Variants in CD70 observed in about 807,000 individuals in gnomAD.
CD70 encodes the protein CD70 antigen.
Under a neutral mutation model 9.0 loss-of-function variants are expected in CD70, and 6 were observed. That is an observed-to-expected ratio of 0.67 (90% CI 0.37 to 1.32). The LOEUF (loss-of-function observed/expected upper bound fraction) is 1.32. CD70 is among the 40% of genes most tolerant of loss of function. The probability of loss-of-function intolerance (pLI) is 0.02; values close to 1 mark genes in which losing one functional copy is unlikely to be tolerated. For missense variants in CD70, 235 were observed against 258.7 expected (o/e 0.91, Z 0.63); for synonymous variants, 108 against 112.3 (o/e 0.96, Z 0.24).
chr19:6,584,805 G>A (rs1599449657), downstream of CD70, among the ~76,000 whole-genome samples: 1 of 151,924 alleles, frequency 6.6e-6, no homozygotes, highest in African/African-American at 2.4e-5. Flanking sequence ...GTTTGAGGCC[G>A]CAGTGAGACA....
In CD70 at chr19:6,586,104, T is replaced by A. The variant is rs1916008732; in HGVS notation, c.498A>T (p.Thr166=). Residue 166 remains threonine (T), a synonymous_variant, in exon 3 of 3, where the codon ACA becomes ACT. Transcript: ENST00000245903. ...QRLTPLARGD[T]LCTNLTGTLL... ...GTGTCCCAGTGAGGTTGGTGCAGAG[T>A]GTGTCCCCTCGGGCCAGGGGCGTCA... 1 of 1,613,814 alleles carries A rather than the reference T, an allele frequency of 6.2e-7. No individual in the cohort carries two copies. Among genetic ancestry groups the A allele is most frequent in the South Asian group, 1.1e-5 (1 of 91,066 alleles).
downstream of CD70, among the ~76,000 whole-genome samples, chr19:6,584,035 C>T (rs150447916): frequency 4.7e-5 from 7 of 150,504 alleles, no homozygotes; most frequent in East Asian, 8.0e-4. Context: ...TCAGGCGATC[C>T]GCCCACCTCG....
chr19:6,588,243 A>G (rs1916072707), intron 2 of CD70, among the ~76,000 whole-genome samples: 1 of 152,206 alleles, frequency 6.6e-6, no homozygotes, highest in Non-Finnish European at 1.5e-5. Flanking sequence ...GATATCATCC[A>G]CCAGAAGAAA....
In CD70 at chr19:6,591,118, T is replaced by A; in HGVS notation, c.-116A>T. On this transcript the variant is annotated 5_prime_UTR_variant, in exon 1 of 3. Coordinates refer to ENST00000245903, the MANE Select transcript of CD70 (RefSeq NM_001252.5). ...CGGGGCTCCTGGGCGTCTACTTGCT[T>A]CAACCTGTCAGGGGACCAGCCTGCC... 1 of 1,163,576 alleles carries A rather than the reference T, an allele frequency of 8.6e-7. No homozygotes were observed. Among genetic ancestry groups the A allele is most frequent in the Non-Finnish European group, 1.2e-6 (1 of 855,728 alleles). 72.1% of individuals were successfully genotyped at this position (1,163,576 alleles called of 1,614,324 possible).
chr19:6,584,900 G>A (rs1040643780), downstream of CD70, among the ~76,000 whole-genome samples: 26 of 151,982 alleles, frequency 1.7e-4, no homozygotes, highest in African/African-American at 6.3e-4. Context: ...TGTTGGCCAG[G>A]CTTGTCTTGA....
intron 2 of CD70, among the ~76,000 whole-genome samples, chr19:6,587,549 T>C (rs180683271): frequency 8.1e-4 from 123 of 151,232 alleles, no homozygotes; most frequent in Non-Finnish European, 1.3e-3. Context: ...CGCAAGAGAG[T>C]GCACGAGAGA....
intron 2 of CD70, among the ~76,000 whole-genome samples, chr19:6,587,196 G>C (rs1311469105): frequency 7.4e-6 from 1 of 135,454 alleles, no homozygotes; most frequent in African/African-American, 2.7e-5. Context: ...TCATGAGGGA[G>C]AGAGAGCATG....
chr19:6,583,152 C>A (rs147648385), downstream of CD70: 3 of 458,824 alleles, frequency 6.5e-6, no homozygotes, highest in African/African-American at 4.0e-5. Context: ...ATGCAAGATG[C>A]GGGATTATCT....
chr19:6,581,874 C>T (rs1318071119), downstream of CD70, among the ~76,000 whole-genome samples: 2 of 152,122 alleles, frequency 1.3e-5, no homozygotes, highest in Non-Finnish European at 1.5e-5. Context: ...AGACAAGGCA[C>T]GTCCCTTCTG....
chr19:6,582,279 G>T (rs1915932638), downstream of CD70, among the ~76,000 whole-genome samples: 1 of 150,356 alleles, frequency 6.7e-6, no homozygotes, highest in Admixed American at 6.6e-5. Context: ...CAGGCAATCT[G>T]CTCGCCTCGG....
chr19:6,591,081 G>A lies in CD70; in HGVS notation c.-79C>T. The stretch of plus-strand genomic sequence containing the variant: ...CTGCCGAGAAGGAAGGAAGGAAACT[G>A]CAGCCCCCTCCCGGGGCTCCTGGGC... On this transcript the variant is annotated 5_prime_UTR_variant, in exon 1 of 3. Transcript: ENST00000245903. The A allele has an allele frequency of 6.9e-7, 1 of 1,446,406 alleles. No homozygotes were observed. The highest frequency in any genetic ancestry group is 9.2e-7 in the Non-Finnish European group (1 of 1,088,544). The allele number at this position is 1,446,406 out of a possible 1,614,324, so 89.6% of individuals were successfully genotyped here. A position where few individuals can be genotyped will look rare whatever the true frequency, so the allele number is the denominator to read the frequency against.
rs747335292 is a variant in CD70 at position 6,585,994 on chromosome 19, TA to T, written c.*25del. 14 of 1,518,916 alleles carry T rather than the reference TA, an allele frequency of 9.2e-6. No individual in the cohort carries two copies. The South Asian group carries it at 1.5e-4, about 16-fold the overall frequency. The allele number at this position is 1,518,916 out of a possible 1,614,324, so 94.1% of individuals were successfully genotyped here. ...AACTTAAATAAAATAAAATAAAATT[TA>T]AAAAACCCTAATCAGCAGCAGTGGT... On this transcript the variant is annotated 3_prime_UTR_variant, in exon 3 of 3. Coordinates refer to ENST00000245903, the MANE Select transcript of CD70 (RefSeq NM_001252.5).
chr19:6,587,187 C>T (rs1015665755), intron 2 of CD70, among the ~76,000 whole-genome samples: 3 of 90,200 alleles, frequency 3.3e-5, no homozygotes, highest in Non-Finnish European at 6.6e-5. Context: ...AGAGAGAGAT[C>T]ATGAGGGAGA....
intron 2 of CD70, among the ~76,000 whole-genome samples, chr19:6,589,038 A>C (rs1340209323): frequency 6.6e-6 from 1 of 152,170 alleles, no homozygotes; most frequent in Non-Finnish European, 1.5e-5. Flanking sequence ...AATGTGAAGG[A>C]CTGAGAGGGA....
In CD70 at chr19:6,590,997, C is replaced by T. The variant is rs746699223; in HGVS notation, c.6G>A (p.Pro2=). The T allele has an allele frequency of 2.1e-5, 34 of 1,592,154 alleles. No homozygotes were observed. The highest frequency in any genetic ancestry group is 5.3e-5 in the Admixed American group (3 of 57,006). M[P]EEGSGCSVRR... ...GCACCGAGCAGCCCGAACCCTCCTC[C>T]GGCATCGCCGCGGCGATCACCTCCG... The change falls in exon 1 of 3, where the codon CCG becomes CCA. Residue 2 remains proline, a synonymous_variant. Transcript: ENST00000245903. The surrounding 1 kb of genome is among the most constrained non-coding windows in gnomAD (Gnocchi z 5.3).
rs1436119236 is a variant in CD70, at chr19:6,586,070, A to T, written c.532T>A (p.Ser178Thr). The T allele has an allele frequency of 6.2e-7, 1 of 1,614,114 alleles. No individual in the cohort carries two copies. The highest frequency in any genetic ancestry group is 8.5e-7 in the Non-Finnish European group (1 of 1,179,972). The change falls in exon 3 of 3, where the codon TCC (serine) becomes ACC (threonine). Residue 178 changes from serine to threonine, a missense_variant. By Grantham distance (58) the Ser-to-Thr change is moderately conservative (BLOSUM62 1). Transcript: ENST00000245903. Reference protein sequence around the residue: ...CTNLTGTLLPSRNTDETFFGV... With the variant: ...CTNLTGTLLPTRNTDETFFGV... ...AAGAAGGTCTCATCAGTGTTTCGGG[A>T]AGGCAAAAGTGTCCCAGTGAGGTTG...
intron 2 of CD70, among the ~76,000 whole-genome samples, 178 bp from the exon 3 acceptor site, chr19:6,586,583 G>A (rs1047645305): frequency 6.6e-6 from 1 of 152,236 alleles, no homozygotes; most frequent in African/African-American, 2.4e-5. Flanking sequence ...TGGATCACCT[G>A]AGGTCAGCAG....
intron 2 of CD70, among the ~76,000 whole-genome samples, chr19:6,589,654 C>T (rs867620071): frequency 1.3e-5 from 2 of 151,954 alleles, no homozygotes; most frequent in African/African-American, 4.8e-5. Flanking sequence ...CCTCCGAAAG[C>T]GCTGGGATTA....
chr19:6,583,713 C>T (rs1915962729), downstream of CD70, among the ~76,000 whole-genome samples: 1 of 151,774 alleles, frequency 6.6e-6, no homozygotes, highest in African/African-American at 2.4e-5. Flanking sequence ...TGCCCATCAC[C>T]ACACCCAGCT....
Sources: allele counts gnomAD v4.1 joint callset (sites outside exome capture counted in the v4.1 genomes callset), GRCh38; gene constraint gnomAD v4.1.1; non-coding constraint Gnocchi (gnomAD v3.1); transcripts MANE v1.5; gene names NCBI Gene and HGNC (gene_info 2026-07-23, HGNC 2026-07-21).